The following ADAMTS6 variants were observed in gnomAD, a reference collection of about 807,000 sequenced individuals.
ADAMTS6 encodes the protein A disintegrin and metalloproteinase with thrombospondin motifs 6.
ADAMTS6 carries 23 observed loss-of-function variants against 144.3 expected under a neutral mutation model. The observed-to-expected ratio is 0.16, with a 90% confidence interval of 0.11 to 0.23. ADAMTS6 has a LOEUF of 0.23. Ranked by LOEUF, ADAMTS6 falls within the 10% of genes least tolerant of loss-of-function variation. The pLI is 1.00. For synonymous variants in ADAMTS6, 444 were observed against 457.5 expected, an observed-to-expected ratio of 0.97 and a Z score of 0.38; for missense variants, 999 against 1,379.6, an observed-to-expected ratio of 0.72 and a Z score of 4.37.
intron 3 of ADAMTS6, among the ~76,000 whole-genome samples, chr5:65,469,151 A>G (rs150640265): frequency 0.019 from 2,948 of 152,312 alleles, 41 homozygotes; most frequent in Non-Finnish European, 0.028. Flanking sequence ...GTCTTATTAC[A>G]TGTCAGGAAA....
chr5:65,455,057 C>T (rs1275130270), intron 4 of ADAMTS6, among the ~76,000 whole-genome samples: 1 of 152,222 alleles, frequency 6.6e-6, no homozygotes, highest in African/African-American at 2.4e-5. Context: ...TAAAACCACT[C>T]ATGTATTCAA....
intron 15 of ADAMTS6, among the ~76,000 whole-genome samples, chr5:65,233,469 A>G (rs1460705843): frequency 6.6e-6 from 1 of 152,138 alleles, no homozygotes; most frequent in Non-Finnish European, 1.5e-5. Flanking sequence ...TGTTAAAACT[A>G]ATACAAAAAT....
intron 7 of ADAMTS6, among the ~76,000 whole-genome samples, chr5:65,390,116 A>G (rs957230374): frequency 5.9e-5 from 9 of 152,202 alleles, no homozygotes; most frequent in Admixed American, 5.9e-4. Flanking sequence ...TCATTTATAT[A>G]TGGCCTGTCA....
chr5:65,331,785 A>G (rs1746739034), intron 8 of ADAMTS6, among the ~76,000 whole-genome samples: 1 of 152,014 alleles, frequency 6.6e-6, no homozygotes, highest in African/African-American at 2.4e-5. Flanking sequence ...CTTAAAAAGT[A>G]ATCTGCTCAA....
intron 15 of ADAMTS6, among the ~76,000 whole-genome samples, chr5:65,232,112 AAAAC>A (rs554523803): frequency 9.1e-4 from 138 of 152,266 alleles, no homozygotes; most frequent in African/African-American, 3.1e-3. Context: ...TTCTGTCTGA[AAAAC>A]AAACAAACAA....
chr5:65,473,374 G>A (rs557573565), intron 2 of ADAMTS6, among the ~76,000 whole-genome samples: 3 of 152,060 alleles, frequency 2.0e-5, no homozygotes, highest in East Asian at 1.9e-4. Context: ...TAAAATCCAC[G>A]GGATGTTAAA....
chr5:65,250,633 A>G (rs1468346802), intron 14 of ADAMTS6, among the ~76,000 whole-genome samples: 1 of 152,210 alleles, frequency 6.6e-6, no homozygotes, highest in Non-Finnish European at 1.5e-5. Context: ...TCAAATGTTT[A>G]ATATGCAAGA....
intron 7 of ADAMTS6, among the ~76,000 whole-genome samples, chr5:65,442,838 A>C (rs949572417): frequency 4.0e-5 from 6 of 151,438 alleles, no homozygotes; most frequent in Non-Finnish European, 5.9e-5. Flanking sequence ...CCCTTCCCCT[A>C]CCCTCAACAG....
chr5:65,224,504 G>T, intron 17 of ADAMTS6, 104 bp from the exon 18 acceptor site: 1 of 1,005,074 alleles, frequency 9.9e-7, no homozygotes, highest in Non-Finnish European at 1.5e-6. Context: ...TTCTCTCTTT[G>T]ACTTTGCATT....
chr5:65,275,013 T>A (rs1202123231), intron 11 of ADAMTS6, among the ~76,000 whole-genome samples: 1 of 151,826 alleles, frequency 6.6e-6, no homozygotes, highest in African/African-American at 2.4e-5. Context: ...CTAAAAATGT[T>A]TAAACTCCAT....
chr5:65,232,431 T>A lies in ADAMTS6; in HGVS notation c.1934-6212A>T, dbSNP rs890089297. On this transcript the variant is annotated intron_variant, in intron 15 of 24. Transcript: ENST00000381055. ...TAAACAAAATTGAGTTGATTTTTTT[T>A]AAGATAAACAAAATTGACATACCTT... Among the ~76,000 whole-genome samples the A allele has an allele frequency of 4.0e-5, 6 of 151,868 alleles. No homozygotes were observed. The East Asian group carries it at 5.8e-4, about 15-fold the overall frequency.
intron 12 of ADAMTS6, among the ~76,000 whole-genome samples, chr5:65,267,901 A>G (rs1466997130): frequency 1.3e-5 from 2 of 152,188 alleles, no homozygotes; most frequent in African/African-American, 4.8e-5. Context: ...TAAAAGCCTT[A>G]TCTTTCCACT....
intron 14 of ADAMTS6, chr5:65,251,926 A>G (rs544036892): frequency 6.6e-6 from 1 of 152,290 alleles, no homozygotes; most frequent in South Asian, 2.1e-4. Context: ...TCCACCAAAG[A>G]GCTCTCTTCT....
At chr5:65,441,989 G>A (rs1757896739) in intron 7 of ADAMTS6, among the ~76,000 whole-genome samples, 1 of 151,044 alleles carries the variant, frequency 6.6e-6, no homozygotes, top group Non-Finnish European at 1.5e-5. Context: ...AAGCAGAAAG[G>A]TCTCAAATTA....
chr5:65,223,624 T>G (rs902370193), intron 18 of ADAMTS6, among the ~76,000 whole-genome samples: 7 of 152,192 alleles, frequency 4.6e-5, no homozygotes, highest in African/African-American at 1.7e-4. Context: ...TCCATATTGT[T>G]GCAAATGAAT....
chr5:65,172,817 G>C lies in ADAMTS6; in HGVS notation c.3087+15C>G, dbSNP rs763809434. 6.2e-6 allele frequency: 10 copies of C among 1,612,094 alleles called. No individual in the cohort carries two copies. In the South Asian group the frequency reaches 1.1e-4, roughly 18 times the overall value. ...GGTGCTATTTCAGCAGGAGCCCACA[G>C]TACAAACGCCTTACCTGGCCCCAGT... On this transcript the variant is annotated intron_variant, in intron 23 of 24. Transcript: ENST00000381055.
intron 7 of ADAMTS6, among the ~76,000 whole-genome samples, chr5:65,340,279 T>C (rs1402824630): frequency 6.6e-6 from 1 of 151,900 alleles, no homozygotes; most frequent in East Asian, 1.9e-4. Context: ...CCAGCAAAGC[T>C]ATCCTTCAGA....
At chr5:65,312,143 C>A (rs1454925820) in intron 9 of ADAMTS6, among the ~76,000 whole-genome samples, 2 of 151,890 alleles carry the variant, frequency 1.3e-5, no homozygotes, top group African/African-American at 2.4e-5. Context: ...AGAACAGTTT[C>A]CTCATGCTGT....
chr5:65,177,872 T>A (rs1455070940), intron 22 of ADAMTS6, among the ~76,000 whole-genome samples: 1 of 152,146 alleles, frequency 6.6e-6, no homozygotes, highest in Non-Finnish European at 1.5e-5. Context: ...GTGGGCTGCA[T>A]GGTAGCTCTC....
Sources: gnomAD v4.1 joint callset for allele counts (sites outside exome capture counted in the v4.1 genomes callset) on GRCh38, gnomAD v4.1.1 for gene constraint, MANE v1.5 for transcripts, NCBI Gene and HGNC (gene_info 2026-07-23, HGNC 2026-07-21) for gene names.